Variants in MIPEP observed in about 807,000 individuals in gnomAD.
MIPEP encodes the protein mitochondrial intermediate peptidase.
A neutral mutation model predicts 90.3 loss-of-function variants in MIPEP; 79 were observed. The ratio of observed to expected loss-of-function variants is 0.87; its 90% CI spans 0.73 to 1.05. MIPEP has a LOEUF of 1.05. Ranked by LOEUF, MIPEP falls within the 50% of genes least tolerant of loss-of-function variation. The pLI is 0.00. For missense variants in MIPEP, 940 were observed against 905.6 expected, an observed-to-expected ratio of 1.04 and a Z score of -0.49; for synonymous variants, 334 against 315.8, an observed-to-expected ratio of 1.06 and a Z score of -0.61.
chr13:23,775,786 A>C (rs1952708816), intron 16 of MIPEP, among the ~76,000 whole-genome samples: 1 of 152,224 alleles, frequency 6.6e-6, no homozygotes, highest in Admixed American at 6.5e-5. Context: ...CCAAGAATAA[A>C]GCAAAAACAC....
intron 9 of MIPEP, among the ~76,000 whole-genome samples, chr13:23,860,567 T>C (rs1870248612): frequency 6.6e-6 from 1 of 151,924 alleles, no homozygotes; most frequent in Non-Finnish European, 1.5e-5. Flanking sequence ...AGCAGGGTAG[T>C]AGGAAGGGAA....
chr13:23,762,079 C>T (rs1199812221), intron 16 of MIPEP, among the ~76,000 whole-genome samples: 5 of 152,026 alleles, frequency 3.3e-5, no homozygotes, highest in East Asian at 1.9e-4. Flanking sequence ...GAGCTAAGAT[C>T]GCACCACTGC....
At chr13:23,820,108 T>G (rs1015453156) in intron 14 of MIPEP, among the ~76,000 whole-genome samples, 2 of 152,224 alleles carry the variant, frequency 1.3e-5, no homozygotes, top group African/African-American at 2.4e-5. Context: ...GATGTGTCAT[T>G]TAAAAAATGG....
chr13:23,869,567 C>T (rs1870692145), intron 6 of MIPEP, 119 bp from the exon 7 acceptor site: 1 of 946,804 alleles, frequency 1.1e-6, no homozygotes, highest in Non-Finnish European at 1.5e-6. Context: ...CAAAATAAAG[C>T]AATGGTCTAC....
At chr13:23,843,097 CAA>C (rs397977292) in intron 10 of MIPEP, among the ~76,000 whole-genome samples, 124 of 53,548 alleles carry the variant, frequency 2.3e-3, no homozygotes, top group African/African-American at 7.1e-3. Flanking sequence ...CTCTCCATCT[CAA>C]AAAAAAAAAA....
At chr13:23,873,956 G>C (rs890806456) in intron 5 of MIPEP, among the ~76,000 whole-genome samples, 1 of 152,068 alleles carries the variant, frequency 6.6e-6, no homozygotes, top group Non-Finnish European at 1.5e-5. Context: ...AGGGGTTACA[G>C]CATTACTCAA....
At chr13:23,738,214 T>C (rs987119364) in intron 18 of MIPEP, among the ~76,000 whole-genome samples, 6 of 152,152 alleles carry the variant, frequency 3.9e-5, no homozygotes, top group African/African-American at 1.4e-4. Flanking sequence ...ATCAAGCTTG[T>C]CCAACTCATG....
At chr13:23,773,040 G>A (rs752362442) in intron 16 of MIPEP, among the ~76,000 whole-genome samples, 6 of 152,040 alleles carry the variant, frequency 3.9e-5, no homozygotes, top group Non-Finnish European at 1.5e-5. Flanking sequence ...ATGGTTTTCA[G>A]TATATTCACA....
rs146921775 is a variant in MIPEP, at chr13:23,832,176, G to A, written c.1653+4064C>T. 2.0e-3 allele frequency among the ~76,000 whole-genome samples: 307 copies of A among 152,212 alleles called. 2 individuals carry two copies. The highest frequency in any genetic ancestry group is 6.9e-3 in the African/African-American group (287 of 41,520). ...ATAATGGATTAAGAGATTATCATGG[G>A]AGTGGGACTGCTGGCTTTATAAGAA... On this transcript the variant is annotated intron_variant, in intron 14 of 18. Coordinates refer to ENST00000382172, the MANE Select transcript of MIPEP (RefSeq NM_005932.4).
chr13:23,790,685 T>A (rs1012475242), intron 16 of MIPEP, among the ~76,000 whole-genome samples: 34 of 152,322 alleles, frequency 2.2e-4, no homozygotes, highest in African/African-American at 7.9e-4. Flanking sequence ...AGGCAGGGAC[T>A]GGATGCTCTT....
intron 14 of MIPEP, among the ~76,000 whole-genome samples, chr13:23,814,164 T>A (rs1381732237): frequency 1.3e-5 from 2 of 152,210 alleles, no homozygotes; most frequent in Non-Finnish European, 2.9e-5. Flanking sequence ...AGGCAGAAAA[T>A]ACTCCCTTTC....
At chr13:23,741,291 C>A (rs375641055) in intron 18 of MIPEP, among the ~76,000 whole-genome samples, 2 of 152,134 alleles carry the variant, frequency 1.3e-5, no homozygotes, top group Non-Finnish European at 2.9e-5. Flanking sequence ...AATAGAACTA[C>A]CATCTGACCC....
intron 5 of MIPEP, among the ~76,000 whole-genome samples, chr13:23,872,654 G>A (rs1870869806): frequency 6.6e-6 from 1 of 152,106 alleles, no homozygotes; most frequent in Non-Finnish European, 1.5e-5. Flanking sequence ...AAACTGAGCA[G>A]GTTTACTTTA....
At position 23,747,783 on chromosome 13, in the gene MIPEP, C is replaced by T. The variant is rs56843697; in HGVS notation, c.2044+8762G>A. On this transcript the variant is annotated intron_variant, in intron 18 of 18. Coordinates refer to ENST00000382172, the MANE Select transcript of MIPEP (RefSeq NM_005932.4). The stretch of plus-strand genomic sequence containing the variant: ...TGAGACGGGGTCTCGCTCTGTTGCC[C>T]GCACTGGAGTGCAGTGGTGTGATTT... 2.7e-3 allele frequency among the ~76,000 whole-genome samples: 409 copies of T among 152,304 alleles called. 4 individuals carry two copies. Among genetic ancestry groups the T allele is most frequent in the African/African-American group, 8.4e-3 (349 of 41,572 alleles).
At chr13:23,831,650 C>A (rs543008038) in intron 14 of MIPEP, among the ~76,000 whole-genome samples, 21 of 152,216 alleles carry the variant, frequency 1.4e-4, no homozygotes, top group African/African-American at 5.1e-4. Context: ...AACCTGCTCT[C>A]GTGGGAACTG....
At chr13:23,863,192 C>CT (rs999371980) in intron 8 of MIPEP, among the ~76,000 whole-genome samples, 18 of 152,186 alleles carry the variant, frequency 1.2e-4, no homozygotes, top group Middle Eastern at 6.8e-3. Context: ...AAACATCATC[C>CT]TTTTTTACAA....
In MIPEP at chr13:23,888,792, T is replaced by C. The variant is rs571666246; in HGVS notation, c.189+340A>G. 5 of 1,062,132 alleles carry C rather than the reference T, an allele frequency of 4.7e-6. No individual in the cohort carries two copies. In the African/African-American group the frequency reaches 6.6e-5, roughly 14 times the overall value. 65.8% of individuals were successfully genotyped at this position (1,062,132 alleles called of 1,614,324 possible). On this transcript the variant is annotated intron_variant, in intron 1 of 18. Transcript: ENST00000382172. ...CTGTAGCGCTGGAGCTAAAGGGCTT[T>C]AGCAGGGGTGCGCCTGAGTGTATGC...
chr13:23,825,423 T>C (rs554683391), intron 14 of MIPEP, among the ~76,000 whole-genome samples: 1 of 152,324 alleles, frequency 6.6e-6, no homozygotes, highest in Admixed American at 6.5e-5. Flanking sequence ...AGCCTTGGGC[T>C]GACTTTCACA....
Position 23,874,926 on chromosome 13 carries a change from C to T in MIPEP, c.540-17G>A, listed in dbSNP as rs1870999097. 3 of 1,577,382 alleles carry T rather than the reference C, an allele frequency of 1.9e-6. No individual in the cohort carries two copies. Among genetic ancestry groups the T allele is most frequent in the Non-Finnish European group, 2.6e-6 (3 of 1,168,710 alleles). Reference sequence around the variant, plus strand: ...GCCACTCGCCTATAAATGAAATGAGCCCCAGGTTATAACAGGTAATAAAAA... The same window carrying T: ...GCCACTCGCCTATAAATGAAATGAGTCCCAGGTTATAACAGGTAATAAAAA... On this transcript the variant is annotated splice_polypyrimidine_tract_variant and intron_variant, in intron 4 of 18. Coordinates refer to ENST00000382172, the MANE Select transcript of MIPEP (RefSeq NM_005932.4).
Sources: gnomAD v4.1 joint callset for allele counts (sites outside exome capture counted in the v4.1 genomes callset) on GRCh38, gnomAD v4.1.1 for gene constraint, MANE v1.5 for transcripts, NCBI Gene and HGNC (gene_info 2026-07-23, HGNC 2026-07-21) for gene names.